The following EIF4G3 variants were observed in gnomAD, a reference collection of about 807,000 sequenced individuals.
EIF4G3 encodes the protein eukaryotic translation initiation factor 4 gamma 3.
EIF4G3 carries 34 observed loss-of-function variants against 186.4 expected under a neutral mutation model. The observed-to-expected ratio is 0.18, with a 90% CI of 0.14 to 0.24. The LOEUF (loss-of-function observed/expected upper bound fraction) is 0.24, where lower values mean the gene tolerates loss of function less well. Ranked by LOEUF, EIF4G3 falls within the 10% of genes least tolerant of loss-of-function variation. EIF4G3 has a pLI of 1.00. For missense variants in EIF4G3, 1,536 were observed against 1,948.5 expected (o/e 0.79, Z 3.99); for synonymous variants, 673 against 679.5 (o/e 0.99, Z 0.15).
chr1:20,851,771 G>A (rs1259598505), intron 27 of EIF4G3, among the ~76,000 whole-genome samples: 1 of 152,112 alleles, frequency 6.6e-6, no homozygotes, highest in African/African-American at 2.4e-5. Context: ...TAATCCCAGC[G>A]CTTTGGGAGG....
At chr1:21,090,327 A>C (rs2096145605) in intron 2 of EIF4G3, among the ~76,000 whole-genome samples, 1 of 152,208 alleles carries the variant, frequency 6.6e-6, no homozygotes, top group Non-Finnish European at 1.5e-5. Context: ...TGATTATTAA[A>C]GTACTCACTA....
chr1:21,107,991 TAAC>T (rs2096646531), intron 2 of EIF4G3, among the ~76,000 whole-genome samples: 1 of 152,156 alleles, frequency 6.6e-6, no homozygotes, highest in South Asian at 2.1e-4. Context: ...CTACAAATAA[TAAC>T]AAAATTAGCC....
chr1:20,980,579 T>C, intron 9 of EIF4G3, 131 bp from the exon 10 acceptor site: 2 of 626,794 alleles, frequency 3.2e-6, no homozygotes, highest in Non-Finnish European at 5.2e-6. Context: ...TTAAATGAGG[T>C]AAAGCGATTG....
intron 30 of EIF4G3, among the ~76,000 whole-genome samples, chr1:20,837,631 C>A (rs1158373618): frequency 6.6e-6 from 1 of 152,206 alleles, no homozygotes; most frequent in Non-Finnish European, 1.5e-5. Flanking sequence ...ATCTCAGAGG[C>A]TCTTCCACAA....
intron 29 of EIF4G3, among the ~76,000 whole-genome samples, chr1:20,847,029 T>G (rs1269732662): frequency 6.6e-6 from 1 of 152,196 alleles, no homozygotes; most frequent in Non-Finnish European, 1.5e-5. Context: ...CCTGACACAC[T>G]AATACCCCAA....
At chr1:21,032,971 A>T (rs1233896969) in intron 4 of EIF4G3, among the ~76,000 whole-genome samples, 3 of 152,180 alleles carry the variant, frequency 2.0e-5, no homozygotes, top group Non-Finnish European at 4.4e-5. Context: ...TTCTCAAAGA[A>T]ACTAGTAACA....
intron 14 of EIF4G3, among the ~76,000 whole-genome samples, chr1:20,912,901 G>T (rs867117050): frequency 6.6e-6 from 1 of 152,070 alleles, no homozygotes; most frequent in Non-Finnish European, 1.5e-5. Context: ...AGGAAAATAT[G>T]ATGATTTATC....
chr1:20,807,548 T>A, intron 36 of EIF4G3, 48 bp from the exon 37 acceptor site: 1 of 1,428,690 alleles, frequency 7.0e-7, no homozygotes, highest in Non-Finnish European at 9.4e-7. Flanking sequence ...ACTGTAGTTA[T>A]GAGGAAAAGA....
intron 3 of EIF4G3, among the ~76,000 whole-genome samples, chr1:21,060,744 T>A (rs1204256977): frequency 2.3e-5 from 3 of 129,272 alleles, no homozygotes; most frequent in African/African-American, 9.1e-5. Flanking sequence ...AGCCACTGCA[T>A]CACAGCCTGG....
chr1:20,910,242 A>G (rs1269710439), intron 14 of EIF4G3, among the ~76,000 whole-genome samples: 1 of 152,252 alleles, frequency 6.6e-6, no homozygotes, highest in African/African-American at 2.4e-5. Flanking sequence ...AGCTAAATGT[A>G]CATGATTCTA....
intron 25 of EIF4G3, among the ~76,000 whole-genome samples, chr1:20,856,959 G>A (rs2075092832): frequency 2.0e-5 from 3 of 151,962 alleles, no homozygotes; most frequent in Middle Eastern, 3.4e-3. Flanking sequence ...TCAGGAGATC[G>A]AGACCATCCT....
intron 4 of EIF4G3, among the ~76,000 whole-genome samples, chr1:21,019,700 T>C (rs1405970259): frequency 6.6e-6 from 1 of 152,078 alleles, no homozygotes; most frequent in African/African-American, 2.4e-5. Flanking sequence ...CTGACCAACA[T>C]GGTGAAACCC....
intron 20 of EIF4G3, 140 bp from the exon 21 acceptor site, chr1:20,865,402 G>A (rs911207968): frequency 1.2e-6 from 1 of 827,562 alleles, no homozygotes; most frequent in Non-Finnish European, 1.8e-6. Context: ...ATAGCTTCAG[G>A]CATTTCATGA....
intron 18 of EIF4G3, among the ~76,000 whole-genome samples, chr1:20,891,636 A>ATT (rs1486951052): frequency 4.7e-5 from 7 of 149,756 alleles, no homozygotes; most frequent in Non-Finnish European, 7.4e-5. Flanking sequence ...AAAAAAAAAA[A>ATT]ATTAGCTGGG....
chr1:21,069,105 C>T (rs2095362488), intron 3 of EIF4G3, among the ~76,000 whole-genome samples: 1 of 152,172 alleles, frequency 6.6e-6, no homozygotes. Flanking sequence ...TGGCTCATTA[C>T]ACTATGTAGC....
At chr1:20,941,282 G>C in intron 14 of EIF4G3, 2 of 1,551,240 alleles carry the variant, frequency 1.3e-6, no homozygotes, top group Non-Finnish European at 1.7e-6. Context: ...TGTATATTTG[G>C]AAATTCTCAT....
chr1:20,949,955 TAA>T (rs764732511), intron 13 of EIF4G3, 46 bp downstream of exon 13: 7 of 1,486,688 alleles, frequency 4.7e-6, no homozygotes, highest in Non-Finnish European at 5.6e-6. Flanking sequence ...ATGTAATTAA[TAA>T]AAAAGAGACT....
intron 2 of EIF4G3, among the ~76,000 whole-genome samples, chr1:21,100,493 A>C (rs1161428506): frequency 2.6e-5 from 4 of 152,158 alleles, no homozygotes; most frequent in Non-Finnish European, 2.9e-5. Context: ...CTCTCACCCC[A>C]GGATCCAGAA....
chr1:20,876,307 G>C (rs2080808960), intron 20 of EIF4G3, among the ~76,000 whole-genome samples: 1 of 149,472 alleles, frequency 6.7e-6, no homozygotes, highest in African/African-American at 2.5e-5. Context: ...ATATGAGAGA[G>C]AGAGATAGAG....
Sources: gnomAD v4.1 joint callset for allele counts (sites outside exome capture counted in the v4.1 genomes callset) on GRCh38, gnomAD v4.1.1 for gene constraint, MANE v1.5 for transcripts, NCBI Gene and HGNC (gene_info 2026-07-23, HGNC 2026-07-21) for gene names.